PRKCZ: variants seen among roughly 807,000 people sequenced by gnomAD.
PRKCZ encodes protein kinase C zeta type.
A neutral mutation model predicts 79.5 loss-of-function variants in PRKCZ; 33 were observed. The observed-to-expected ratio is 0.41, with a 90% CI of 0.31 to 0.55. The LOEUF (loss-of-function observed/expected upper bound fraction) is 0.55, where lower values mean the gene tolerates loss of function less well. Ranked by LOEUF, PRKCZ falls within the 20% of genes least tolerant of loss-of-function variation. The pLI is 0.19. For missense variants in PRKCZ, 578 were observed against 813.5 expected, an observed-to-expected ratio of 0.71 and a Z score of 3.52; for synonymous variants, 342 against 320.9, an observed-to-expected ratio of 1.07 and a Z score of -0.70.
At chr1:2,061,763 C>T (rs1660698786) in intron 4 of PRKCZ, among the ~76,000 whole-genome samples, 1 of 152,168 alleles carries the variant, frequency 6.6e-6, no homozygotes, top group African/African-American at 2.4e-5. Flanking sequence ...AACACACTGC[C>T]CACTCGGGGT....
rs1249016564 is a variant in PRKCZ, at chr1:2,050,422, G to A, written c.-209G>A. ...CCTCGGTCCGCCATGTTCGGACACC[G>A]CCCCCCGCCCCCGCCGGACGGTCCC... On this transcript the variant is annotated 5_prime_UTR_variant, in exon 1 of 18. Coordinates refer to ENST00000378567, the MANE Select transcript of PRKCZ (RefSeq NM_002744.6). 5 of 184,620 alleles carry A rather than the reference G, an allele frequency of 2.7e-5. No individual in the cohort carries two copies. The highest frequency in any genetic ancestry group is 1.2e-4 in the Admixed American group (2 of 16,210). 11.4% of individuals were successfully genotyped at this position (184,620 alleles called of 1,614,324 possible).
Position 2,082,388 on chromosome 1 carries a change from G to C in PRKCZ, c.334+22797G>C, listed in dbSNP as rs1430206196. The C allele has an allele frequency of 2.2e-6, 1 of 456,212 alleles. No homozygotes were observed. The highest frequency in any genetic ancestry group is 2.0e-5 in the African/African-American group (1 of 50,094). 28.3% of individuals were successfully genotyped at this position (456,212 alleles called of 1,614,324 possible). A position where few individuals can be genotyped will look rare whatever the true frequency, so the allele number is the denominator to read the frequency against. On this transcript the variant is annotated intron_variant, in intron 4 of 17. Coordinates refer to ENST00000378567, the MANE Select transcript of PRKCZ (RefSeq NM_002744.6). The surrounding 1 kb of genome is among the most constrained non-coding windows in gnomAD (Gnocchi z 4.4). The stretch of plus-strand genomic sequence containing the variant: ...GCTGCCGTAGACAGAGTGAAGTCTG[G>C]TAGTTTGTGTTTATTTATTTATCTT...
chr1:2,050,819 G>T (rs900041772), intron 1 of PRKCZ, 118 bp downstream of exon 1: 1 of 636,594 alleles, frequency 1.6e-6, no homozygotes, highest in Non-Finnish European at 2.2e-6. Flanking sequence ...GTCGCTGCGG[G>T]CCCGGGGCTG....
chr1:2,057,613 C>A (rs1660289636), intron 3 of PRKCZ, among the ~76,000 whole-genome samples: 1 of 152,188 alleles, frequency 6.6e-6, no homozygotes, highest in Non-Finnish European at 1.5e-5. Context: ...CAACTGTAAT[C>A]CCAGCACTTT....
chr1:2,104,998 C>T, intron 4 of PRKCZ: 1 of 882,522 alleles, frequency 1.1e-6, no homozygotes, highest in Non-Finnish European at 1.4e-6. Context: ...GCTTGTTGAC[C>T]TTGATCTGTG....
rs1666186809 is a variant in PRKCZ, at chr1:2,094,878, G to A, written c.334+35287G>A. On this transcript the variant is annotated intron_variant, in intron 4 of 17. Transcript: ENST00000378567. This position sits in a 1 kb window ranked among gnomAD's most constrained non-coding sequence, Gnocchi z 7.3. ...TGCAGAGTCACTTCTCTTAGAGCCT[G>A]GTTTTGGCCCTCTCTCTCCTGCCTA... Among the ~76,000 whole-genome samples, 1 of 152,202 alleles carries A rather than the reference G, an allele frequency of 6.6e-6. No individual in the cohort carries two copies. Among genetic ancestry groups the A allele is most frequent in the African/African-American group, 2.4e-5 (1 of 41,418 alleles).
chr1:2,174,903 G>A lies in PRKCZ; in HGVS notation c.1485+70G>A, dbSNP rs1033770364. On this transcript the variant is annotated intron_variant, in intron 15 of 17. Transcript: ENST00000378567. The surrounding 1 kb of genome is among the most constrained non-coding windows in gnomAD (Gnocchi z 6.2). Reference sequence around the variant, plus strand: ...TGTTGGTGGGCAGAGGGCCAGGCACGGCTGTTGGCCATTTTTTCATGTCGG... The same window carrying A: ...TGTTGGTGGGCAGAGGGCCAGGCACAGCTGTTGGCCATTTTTTCATGTCGG... The A allele has an allele frequency of 3.5e-5, 52 of 1,495,672 alleles. No individual in the cohort carries two copies. The highest frequency in any genetic ancestry group is 5.5e-5 in the African/African-American group (4 of 72,248). The allele number at this position is 1,495,672 out of a possible 1,614,324, so 92.7% of individuals were successfully genotyped here.
In PRKCZ at chr1:2,050,635, C is replaced by T; in HGVS notation, c.5C>T (p.Pro2Leu). 16 of 1,225,428 alleles carry T rather than the reference C, an allele frequency of 1.3e-5. No individual in the cohort carries two copies. The highest frequency in any genetic ancestry group is 1.6e-5 in the Non-Finnish European group (16 of 983,672). 75.9% of individuals were successfully genotyped at this position (1,225,428 alleles called of 1,614,324 possible). Reference protein sequence around the residue: MPSRTGPKMEGS... With the variant: MLSRTGPKMEGS... Reference sequence around the variant, plus strand: ...CGGCGGCGGGGGGAGCGCGCCATGCCCAGCAGGACCGGCCCCAAGATGGAA... The same window carrying T: ...CGGCGGCGGGGGGAGCGCGCCATGCTCAGCAGGACCGGCCCCAAGATGGAA... The change falls in exon 1 of 18, where the codon CCC becomes CTC. Residue 2 changes from proline (P) to leucine (L), a missense_variant. Transcript: ENST00000378567.
chr1:2,088,254 C>T (rs529382860), intron 4 of PRKCZ, among the ~76,000 whole-genome samples: 3 of 152,224 alleles, frequency 2.0e-5, no homozygotes, highest in South Asian at 2.1e-4. Flanking sequence ...GTCTGTCCCT[C>T]GTCCTCCTCA....
rs7540880 is a variant in PRKCZ, at chr1:2,094,560, A to G, written c.334+34969A>G. ...TGAGGCGCCCTCTGTGCCCGGCTCG[A>G]TGAACCTTGGGCGCTGCCCGTTCTG... On this transcript the variant is annotated intron_variant, in intron 4 of 17. Coordinates refer to ENST00000378567, the MANE Select transcript of PRKCZ (RefSeq NM_002744.6). This position sits in a 1 kb window ranked among gnomAD's most constrained non-coding sequence, Gnocchi z 7.3. 1.1e-3 allele frequency among the ~76,000 whole-genome samples: 72 copies of G among 65,240 alleles called. No individual in the cohort carries two copies. Among genetic ancestry groups the G allele is most frequent in the African/African-American group, 5.6e-3 (67 of 12,012 alleles). 42.8% of individuals were successfully genotyped at this position (65,240 alleles called of 152,430 possible). A position where few individuals can be genotyped will look rare whatever the true frequency, so the allele number is the denominator to read the frequency against.
At chr1:2,139,416 C>G (rs908003115) in intron 5 of PRKCZ, among the ~76,000 whole-genome samples, 1 of 151,958 alleles carries the variant, frequency 6.6e-6, no homozygotes, top group African/African-American at 2.4e-5. Context: ...GGTGAAACCC[C>G]GTGTCTACTA....
rs531458976 is a variant in PRKCZ, at chr1:2,070,277, C to T, written c.334+10686C>T. Reference sequence around the variant, plus strand: ...GGTGTCCTACATTCCACATTCTGCCCGTAGCAGGCAGCCCCACCCCACTGT... The same window carrying T: ...GGTGTCCTACATTCCACATTCTGCCTGTAGCAGGCAGCCCCACCCCACTGT... On this transcript the variant is annotated intron_variant, in intron 4 of 17. Transcript: ENST00000378567. Among the ~76,000 whole-genome samples the T allele has an allele frequency of 1.8e-4, 27 of 152,212 alleles. No individual in the cohort carries two copies. In the South Asian group the frequency reaches 3.9e-3, roughly 22 times the overall value.
At chr1:2,096,878 G>A (rs1030393070) in intron 4 of PRKCZ, among the ~76,000 whole-genome samples, 1 of 152,222 alleles carries the variant, frequency 6.6e-6, no homozygotes, top group Admixed American at 6.5e-5. Flanking sequence ...GGAGGACTCA[G>A]GACGAGGCCC....
intron 9 of PRKCZ, among the ~76,000 whole-genome samples, chr1:2,155,128 G>A (rs963290989): frequency 6.6e-6 from 1 of 152,168 alleles, no homozygotes; most frequent in Admixed American, 6.5e-5. Flanking sequence ...TGACAATGAT[G>A]GTGACGATGA....
At position 2,151,575 on chromosome 1, in the gene PRKCZ, G is replaced by A. The variant is rs946546695; in HGVS notation, c.876+597G>A. 2.0e-5 allele frequency among the ~76,000 whole-genome samples: 3 copies of A among 152,234 alleles called. No homozygotes were observed. The South Asian group carries it at 6.2e-4, about 31-fold the overall frequency. ...AGGCCCCAGCTTTGCAGTACATGCTGAGCTGCCGTGGCTCTGTGTAGCAGA... is the reference window on the plus strand; with the variant it reads ...AGGCCCCAGCTTTGCAGTACATGCTAAGCTGCCGTGGCTCTGTGTAGCAGA... On this transcript the variant is annotated intron_variant, in intron 9 of 17. Transcript: ENST00000378567.
chr1:2,111,378 G>A (rs1485773511), intron 4 of PRKCZ, among the ~76,000 whole-genome samples: 4 of 151,982 alleles, frequency 2.6e-5, no homozygotes, highest in Admixed American at 1.3e-4. Context: ...GGAGGCCTGG[G>A]GCTGAGCCTC....
intron 16 of PRKCZ, chr1:2,184,318 A>G (rs926136464): frequency 5.0e-6 from 2 of 401,010 alleles, no homozygotes; most frequent in Admixed American, 4.0e-5. Flanking sequence ...GTGGCCTCGC[A>G]TGGGTGGCTG....
At chr1:2,155,097 AGATGATGGTGAT>A (rs1281770568) in intron 9 of PRKCZ, among the ~76,000 whole-genome samples, 10 of 152,244 alleles carry the variant, frequency 6.6e-5, no homozygotes, top group African/African-American at 1.7e-4. Context: ...ATCGTGGTGA[AGATGATGGTGAT>A]GATGATGGTG....
intron 4 of PRKCZ, among the ~76,000 whole-genome samples, chr1:2,080,970 G>C (rs527510060): frequency 1.3e-5 from 2 of 152,210 alleles, no homozygotes; most frequent in African/African-American, 4.8e-5. Context: ...TCCTTATATC[G>C]CTGGGTCCAG....
Sources: allele counts gnomAD v4.1 joint callset (sites outside exome capture counted in the v4.1 genomes callset), GRCh38; gene constraint gnomAD v4.1.1; non-coding constraint Gnocchi (gnomAD v3.1); transcripts MANE v1.5; gene names NCBI Gene and HGNC (gene_info 2026-07-23, HGNC 2026-07-21).